LPL: variants seen among roughly 807,000 people sequenced by gnomAD.
LPL encodes phospholipase A1.
LPL carries 43 observed loss-of-function variants against 52.2 expected under a neutral mutation model. The observed-to-expected ratio is 0.82, with a 90% CI of 0.64 to 1.06. The LOEUF is 1.06. Ranked by LOEUF, LPL falls within the 50% of genes least tolerant of loss-of-function variation. The probability of loss-of-function intolerance (pLI) is 0.00; values close to 1 mark genes in which losing one functional copy is unlikely to be tolerated. For synonymous variants in LPL, 244 were observed against 215.6 expected (o/e 1.13, Z -1.15); for missense variants, 639 against 585.3 (o/e 1.09, Z -0.95).
At chr8:19,947,656 A>AACCCCCCC (rs774092810) in intron 1 of LPL, among the ~76,000 whole-genome samples, 2 of 69,590 alleles carry the variant, frequency 2.9e-5, no homozygotes, top group African/African-American at 4.1e-5. Context: ...AAACAAAACA[A>AACCCCCCC]CCCCCCCCCC....
rs325 is a variant in LPL, at chr8:19,961,817, T to C, written c.1323-298T>C. Among the ~76,000 whole-genome samples, 13,727 of 152,044 alleles carry C rather than the reference T, an allele frequency of 0.09. 611 individuals carry two copies. Among genetic ancestry groups the C allele is most frequent in the East Asian group, 0.11 (567 of 5,174 alleles). On this transcript the variant is annotated intron_variant, in intron 8 of 9. Transcript: ENST00000650287. ...ATTCCTTAATGCAGATGCTAAGAGA[T>C]GGCAGAGTTGATCTTTTATCATCTC...
chr8:19,944,826 G>A lies in LPL; in HGVS notation c.89-3354G>A, dbSNP rs2069869409. 6.6e-6 allele frequency among the ~76,000 whole-genome samples: 1 copy of A among 152,154 alleles called. No homozygotes were observed. The highest frequency in any genetic ancestry group is 2.4e-5 in the African/African-American group (1 of 41,420). Reference sequence around the variant, plus strand: ...AATAAAGATTCCATAGTCAGGAAAGGCACAATTTATAACTTGCGTGTTACC... The same window carrying A: ...AATAAAGATTCCATAGTCAGGAAAGACACAATTTATAACTTGCGTGTTACC... On this transcript the variant is annotated intron_variant, in intron 1 of 9. Transcript: ENST00000650287. The surrounding 1 kb of genome is among the most constrained non-coding windows in gnomAD (Gnocchi z 4.2).
rs1451540891 is a variant in LPL, at chr8:19,966,042, A to G, written c.*732A>G. The G allele has an allele frequency of 6.6e-6, 1 of 151,676 alleles. No homozygotes were observed. Among genetic ancestry groups the G allele is most frequent in the Non-Finnish European group, 1.5e-5 (1 of 67,902 alleles). 9.4% of individuals were successfully genotyped at this position (151,676 alleles called of 1,614,324 possible). A position where few individuals can be genotyped will look rare whatever the true frequency, so the allele number is the denominator to read the frequency against. ...TCTCCCCCTTCTTTTTTGTCTCAAG[A>G]TTATATTATAATAATGTTCTCTGGG... On this transcript the variant is annotated 3_prime_UTR_variant, in exon 10 of 10. Transcript: ENST00000650287.
At position 19,939,374 on chromosome 8, in the gene LPL, CCTCCGGCTCAG is replaced by C. The variant is rs1355753389; in HGVS notation, c.-65_-55del. The C allele has an allele frequency of 5.3e-6, 8 of 1,503,450 alleles. No homozygotes were observed. Among genetic ancestry groups the C allele is most frequent in the Non-Finnish European group, 7.2e-6 (8 of 1,105,666 alleles). 93.1% of individuals were successfully genotyped at this position (1,503,450 alleles called of 1,614,324 possible). A position where few individuals can be genotyped will look rare whatever the true frequency, so the allele number is the denominator to read the frequency against. On this transcript the variant is annotated 5_prime_UTR_variant, in exon 1 of 10. Coordinates refer to ENST00000650287, the MANE Select transcript of LPL (RefSeq NM_000237.3). The surrounding 1 kb of genome is among the most constrained non-coding windows in gnomAD (Gnocchi z 4.0). ...AAACCGCGGCTCCAGCCCTCTCCAG[CCTCCGGCTCAG>C]CCGGCTCATCAGTCGGTCCGCGCCT...
At position 19,966,699 on chromosome 8, in the gene LPL, G is replaced by A. The variant is rs942833416; in HGVS notation, c.*1389G>A. The A allele has an allele frequency of 2.6e-5, 4 of 152,156 alleles. No individual in the cohort carries two copies. The highest frequency in any genetic ancestry group is 9.7e-5 in the African/African-American group (4 of 41,428). 9.4% of individuals were successfully genotyped at this position (152,156 alleles called of 1,614,324 possible). ...AAAACAGTCGATCAAGGGATGTATT[G>A]GAACATGTCGGAGTAGAAATTGTTC... On this transcript the variant is annotated 3_prime_UTR_variant, in exon 10 of 10. Coordinates refer to ENST00000650287, the MANE Select transcript of LPL (RefSeq NM_000237.3).
At position 19,939,642 on chromosome 8, in the gene LPL, C is replaced by G; in HGVS notation, c.88+114C>G. ...AAGGGGCGGTGGATGCGCCCAGGGA[C>G]TCTCCCAGCCTGGGCTCTAGCCCCG... On this transcript the variant is annotated intron_variant, in intron 1 of 9. Transcript: ENST00000650287. This position sits in a 1 kb window ranked among gnomAD's most constrained non-coding sequence, Gnocchi z 4.0. 1 of 1,077,930 alleles carries G rather than the reference C, an allele frequency of 9.3e-7. No homozygotes were observed. The highest frequency in any genetic ancestry group is 1.3e-6 in the Non-Finnish European group (1 of 740,770). The allele number at this position is 1,077,930 out of a possible 1,614,324, so 66.8% of individuals were successfully genotyped here.
At position 19,955,978 on chromosome 8, in the gene LPL, T is replaced by C. The variant is rs773235712; in HGVS notation, c.913T>C (p.Cys305Arg). The C allele has an allele frequency of 6.2e-7, 1 of 1,614,130 alleles. No individual in the cohort carries two copies. Among genetic ancestry groups the C allele is most frequent in the East Asian group, 2.2e-5 (1 of 44,878 alleles). Residue 305 changes from cysteine to arginine, a missense_variant, in exon 6 of 10, where the codon TGT (cysteine) becomes CGT (arginine). By Grantham distance (180) the Cys-to-Arg change is radical. Transcript: ENST00000650287. Reference sequence around the variant, plus strand: ...CTTTGAGAAAGGGCTCTGCTTGAGTTGTAGAAAGAACCGCTGCAACAATCT... The same window carrying C: ...CTTTGAGAAAGGGCTCTGCTTGAGTCGTAGAAAGAACCGCTGCAACAATCT... ...EAFEKGLCLS[C>R]RKNRCNNLGY...
rs2070033937 is a variant in LPL at position 19,961,043 on chromosome 8, A to T, written c.1282A>T (p.Ile428Phe). The T allele has an allele frequency of 1.2e-6, 2 of 1,614,140 alleles. No individual in the cohort carries two copies. The highest frequency in any genetic ancestry group is 1.7e-6 in the Non-Finnish European group (2 of 1,180,026). ...CTGGTGGAGCAGTCCCGGCTTCGCC[A>T]TTCAGAAGATCAGAGTAAAAGCAGG... ...SDWWSSPGFA[I>F]QKIRVKAGET... The change falls in exon 8 of 10, where the codon ATT becomes TTT. Residue 428 changes from isoleucine to phenylalanine, a missense_variant. Coordinates refer to ENST00000650287, the MANE Select transcript of LPL (RefSeq NM_000237.3).
intron 1 of LPL, among the ~76,000 whole-genome samples, chr8:19,945,025 CCTCTT>C (rs1287988112): frequency 4.6e-5 from 7 of 152,088 alleles, no homozygotes; most frequent in Admixed American, 2.6e-4. Context: ...CTCCTGTACT[CCTCTT>C]CTTTCTCAAT....
Position 19,954,231 on chromosome 8 carries a change from G to A in LPL, c.653G>A (p.Gly218Asp), listed in dbSNP as rs754292853. 1.2e-6 allele frequency: 2 copies of A among 1,614,176 alleles called. No homozygotes were observed. The highest frequency in any genetic ancestry group is 1.7e-6 in the Non-Finnish European group (2 of 1,180,038). The change falls in exon 5 of 10, where the codon GGT becomes GAT. Residue 218 changes from glycine to aspartate, a missense_variant. Coordinates refer to ENST00000650287, the MANE Select transcript of LPL (RefSeq NM_000237.3). ...CACACATTCACCAGAGGGTCCCCTG[G>A]TCGAAGCATTGGAATCCAGAAACCA... The part of the protein sequence containing the change: ...VLHTFTRGSP[G>D]RSIGIQKPVG...
intron 1 of LPL, among the ~76,000 whole-genome samples, chr8:19,942,919 A>C (rs2069852916): frequency 6.6e-6 from 1 of 152,218 alleles, no homozygotes; most frequent in African/African-American, 2.4e-5. Context: ...ACTTGTGCCA[A>C]TTCATTCCTT....
chr8:19,962,201 T>A lies in LPL; in HGVS notation c.1409T>A (p.Leu470Gln), dbSNP rs773571137. 1.9e-6 allele frequency: 3 copies of A among 1,613,728 alleles called. No homozygotes were observed. In the South Asian group the frequency reaches 3.3e-5, roughly 18 times the overall value. ...TTTGTGAAATGCCATGACAAGTCTCTGAATAAGAAGTCAGGCTGGTGAGCA... is the reference window on the plus strand; with the variant it reads ...TTTGTGAAATGCCATGACAAGTCTCAGAATAAGAAGTCAGGCTGGTGAGCA... ...AVFVKCHDKSLNKKSG is the reference protein window; with the variant it reads ...AVFVKCHDKSQNKKSG The change falls in exon 9 of 10, where the codon CTG becomes CAG. Residue 470 changes from leucine to glutamine, a missense_variant. Leu to Gln is a moderately radical substitution (Grantham distance 113). Transcript: ENST00000650287.
intron 7 of LPL, 106 bp from the exon 8 acceptor site, chr8:19,960,795 A>G (rs2070031271): frequency 2.5e-6 from 2 of 792,764 alleles, no homozygotes; most frequent in Non-Finnish European, 4.3e-6. Context: ...TTTTTAAAAT[A>G]TCCCCTAAAT....
intron 6 of LPL, among the ~76,000 whole-genome samples, chr8:19,958,510 G>C (rs1489739485): frequency 6.6e-6 from 1 of 152,126 alleles, no homozygotes; most frequent in Non-Finnish European, 1.5e-5. Context: ...TTAGGGGCTG[G>C]CTTTACAAGG....
At chr8:19,958,062 C>T (rs1003582666) in intron 6 of LPL, among the ~76,000 whole-genome samples, 1 of 151,486 alleles carries the variant, frequency 6.6e-6, no homozygotes. Context: ...CTCAGTTACC[C>T]AGGCTGGAGT....
intron 1 of LPL, among the ~76,000 whole-genome samples, chr8:19,940,436 G>C (rs533403792): frequency 6.6e-6 from 1 of 152,210 alleles, no homozygotes; most frequent in Non-Finnish European, 1.5e-5. Flanking sequence ...TGGAGGCAGC[G>C]AGCACAACGG....
Position 19,953,342 on chromosome 8 carries a change from T to C in LPL, c.462T>C (p.His154=), listed in dbSNP as rs770491860. The change falls in exon 4 of 10, where the codon CAT becomes CAC. Residue 154 remains histidine (H), a synonymous_variant. Coordinates refer to ENST00000650287, the MANE Select transcript of LPL (RefSeq NM_000237.3). ...TTAACTACCCTCTGGACAATGTCCA[T>C]CTCTTGGGATACAGCCTTGGAGCCC... ...EEFNYPLDNV[H]LLGYSLGAHA... The C allele has an allele frequency of 4.0e-5, 65 of 1,613,826 alleles. No homozygotes were observed. The Middle Eastern group carries it at 6.6e-4, about 16-fold the overall frequency.
intron 6 of LPL, among the ~76,000 whole-genome samples, chr8:19,956,810 G>A (rs2128838737): frequency 6.6e-6 from 1 of 152,202 alleles, no homozygotes. Flanking sequence ...TAAAGGCAAG[G>A]ACCATCTGTC....
intron 1 of LPL, among the ~76,000 whole-genome samples, chr8:19,943,372 G>GA (rs1158848632): frequency 3.3e-5 from 5 of 151,864 alleles, no homozygotes; most frequent in Admixed American, 6.6e-5. Flanking sequence ...ATGTACCTTT[G>GA]AAAAAAAATT....
Sources: gnomAD v4.1 joint callset for allele counts (sites outside exome capture counted in the v4.1 genomes callset) on GRCh38, gnomAD v4.1.1 for gene constraint, Gnocchi (gnomAD v3.1) non-coding constraint, MANE v1.5 for transcripts, NCBI Gene and HGNC (gene_info 2026-07-23, HGNC 2026-07-21) for gene names.